The following DDX1 variants were observed in gnomAD, a reference collection of about 807,000 sequenced individuals.
The protein encoded by DDX1 is DEAD-box helicase 1.
A neutral mutation model predicts 108.7 loss-of-function variants in DDX1; 28 were observed. The ratio of observed to expected loss-of-function variants is 0.26; its 90% CI spans 0.19 to 0.35. DDX1 has a LOEUF of 0.35. Ranked by LOEUF, DDX1 falls within the 10% of genes least tolerant of loss-of-function variation. The pLI, the probability that DDX1 is intolerant of heterozygous loss-of-function variation, is 1.00. For synonymous variants in DDX1, 295 were observed against 288.9 expected, an observed-to-expected ratio of 1.02 and a Z score of -0.21; for missense variants, 710 against 884.5, an observed-to-expected ratio of 0.80 and a Z score of 2.50.
At position 15,610,028 on chromosome 2, in the gene DDX1, G is replaced by C. The variant is rs181714437; in HGVS notation, c.956+2715G>C. On this transcript the variant is annotated intron_variant, in intron 13 of 25. Transcript: ENST00000233084. ...TAGCTCACTGCAGTCTCAAACTCTA[G>C]GGCTCAAGCAATCCTCCCACCTAAG... 2.0e-5 allele frequency among the ~76,000 whole-genome samples: 3 copies of C among 152,228 alleles called. No individual in the cohort carries two copies. The East Asian group carries it at 5.8e-4, about 29-fold the overall frequency.
rs1180398079 is a variant in DDX1 at position 15,606,176 on chromosome 2, T to C, written c.729T>C (p.Gly243=). The change falls in exon 12 of 26, where the codon GGT becomes GGC. Residue 243 remains glycine (G), a synonymous_variant. Coordinates refer to ENST00000233084, the MANE Select transcript of DDX1 (RefSeq NM_004939.3). ...LKNAELKFNF[G]EEEFKFPPKD... ...ATGCTGAACTGAAATTTAACTTCGG[T>C]GAAGAGGAATTTAAGTTTCCACCAA... The C allele has an allele frequency of 6.2e-7, 1 of 1,613,974 alleles. No individual in the cohort carries two copies. Among genetic ancestry groups the C allele is most frequent in the Non-Finnish European group, 8.5e-7 (1 of 1,179,868 alleles).
chr2:15,602,731 C>T (rs531289682), intron 7 of DDX1, 100 bp downstream of exon 7: 9 of 905,434 alleles, frequency 9.9e-6, no homozygotes, highest in Middle Eastern at 2.3e-4. Flanking sequence ...GATGGAGTCT[C>T]GCACGTCGCC....
chr2:15,629,557 T>A (rs1666157917), intron 23 of DDX1, 45 bp from the exon 24 acceptor site: 3 of 1,335,968 alleles, frequency 2.2e-6, no homozygotes, highest in South Asian at 2.7e-5. Flanking sequence ...ATTTAGCATG[T>A]CTCTATCTCC....
intron 19 of DDX1, 27 bp from the exon 20 acceptor site, chr2:15,627,027 T>C: frequency 6.7e-7 from 1 of 1,498,716 alleles, no homozygotes; most frequent in African/African-American, 1.4e-5. Context: ...TTTTCCAAGG[T>C]TAAATGCTTA....
chr2:15,597,507 A>G (rs772344881), intron 5 of DDX1, 36 bp downstream of exon 5: 57 of 1,348,724 alleles, frequency 4.2e-5, no homozygotes, highest in Non-Finnish European at 5.8e-5. Flanking sequence ...TTTTATATAA[A>G]TCATTGGTTC....
chr2:15,609,836 C>T (rs1665724671), intron 13 of DDX1, among the ~76,000 whole-genome samples: 1 of 152,146 alleles, frequency 6.6e-6, no homozygotes, highest in Non-Finnish European at 1.5e-5. Context: ...GGTTCCCTCC[C>T]CTGGATATAC....
intron 5 of DDX1, 63 bp downstream of exon 5, chr2:15,597,534 G>A: frequency 9.0e-7 from 1 of 1,105,520 alleles, no homozygotes; most frequent in Non-Finnish European, 1.3e-6. Context: ...CTGACAGTTA[G>A]GAAAGTGAGA....
chr2:15,603,571 C>T (rs1229960839), intron 8 of DDX1, among the ~76,000 whole-genome samples: 1 of 152,188 alleles, frequency 6.6e-6, no homozygotes, highest in Non-Finnish European at 1.5e-5. Flanking sequence ...TTATTGTAAA[C>T]TTGCATCTGA....
At chr2:15,619,872 T>C (rs1213484086) in intron 16 of DDX1, among the ~76,000 whole-genome samples, 1 of 152,236 alleles carries the variant, frequency 6.6e-6, no homozygotes, top group Non-Finnish European at 1.5e-5. Context: ...AGTTATATCC[T>C]TCTTTCTTAG....
intron 2 of DDX1, 82 bp from the exon 3 acceptor site, chr2:15,595,408 T>G: frequency 8.3e-7 from 1 of 1,199,450 alleles, no homozygotes; most frequent in Non-Finnish European, 1.2e-6. Context: ...AAAATTTTCT[T>G]TTAGGCAAAT....
Position 15,595,550 on chromosome 2 carries a change from TA to T in DDX1, c.130del (p.Met44TrpfsTer20). ...TGATCTTAGGAGGAGGTGATGTACT[TA>T]TGGTAAGTTTAAATTTGGTGAGGTG... Reference protein sequence around the residue: ...PLILGGGDVLMAAETGSGKTG... With the variant: ...PLILGGGDVLXAAETGSGKTG... On this transcript the variant is annotated frameshift_variant and splice_region_variant, in exon 3 of 26. Coordinates refer to ENST00000233084, the MANE Select transcript of DDX1 (RefSeq NM_004939.3). LOFTEE classifies it high-confidence loss of function. 1 of 1,605,584 alleles carries T rather than the reference TA, an allele frequency of 6.2e-7. No homozygotes were observed. The highest frequency in any genetic ancestry group is 8.5e-7 in the Non-Finnish European group (1 of 1,172,228).
intron 20 of DDX1, 21 bp downstream of exon 20, chr2:15,627,166 G>A: frequency 7.1e-7 from 1 of 1,403,732 alleles, no homozygotes; most frequent in Non-Finnish European, 1.0e-6. Context: ...ATAGTTGATT[G>A]TTTCCTTAAT....
intron 14 of DDX1, among the ~76,000 whole-genome samples, 175 bp downstream of exon 14, chr2:15,613,459 A>C (rs184708058): frequency 6.6e-5 from 10 of 152,298 alleles, no homozygotes; most frequent in Non-Finnish European, 1.2e-4. Context: ...GAAGTATACA[A>C]AGTCTCTCCC....
intron 13 of DDX1, among the ~76,000 whole-genome samples, chr2:15,607,830 C>T (rs1246942033): frequency 6.6e-6 from 1 of 152,210 alleles, no homozygotes; most frequent in East Asian, 1.9e-4. Flanking sequence ...GCTGGAATTA[C>T]AGGCATGAGC....
At chr2:15,629,486 T>G (rs936215568) in intron 23 of DDX1, 116 bp from the exon 24 acceptor site, 2 of 677,648 alleles carry the variant, frequency 3.0e-6, no homozygotes, top group Admixed American at 3.5e-5. Context: ...ATCATACCTA[T>G]AATCTATTTT....
intron 5 of DDX1, among the ~76,000 whole-genome samples, chr2:15,599,460 C>T (rs916045990): frequency 6.6e-6 from 1 of 151,698 alleles, no homozygotes. Context: ...TCACACGCCA[C>T]CATGCCTGGC....
rs1558450549 is a variant in DDX1, at chr2:15,597,412, C to T, written c.200C>T (p.Thr67Ile). The change falls in exon 5 of 26, where the codon ACT becomes ATT. Residue 67 changes from threonine (T) to isoleucine (I), a missense_variant. Physicochemically the swap from Thr to Ile is moderately conservative, Grantham distance 89 (BLOSUM62 -1). Coordinates refer to ENST00000233084, the MANE Select transcript of DDX1 (RefSeq NM_004939.3). ...SIPVIQIVYE[T>I]LKDQQEGKKG... ...CCAGTTATCCAGATAGTTTATGAAA[C>T]TCTGAAAGACCAACAGGAAGGCAAA... 1 of 1,608,440 alleles carries T rather than the reference C, an allele frequency of 6.2e-7. No homozygotes were observed. Among genetic ancestry groups the T allele is most frequent in the Non-Finnish European group, 8.5e-7 (1 of 1,178,058 alleles).
intron 19 of DDX1, among the ~76,000 whole-genome samples, chr2:15,626,667 A>G (rs1425218623): frequency 6.6e-6 from 1 of 152,136 alleles, no homozygotes; most frequent in African/African-American, 2.4e-5. Flanking sequence ...TAGGAAGCAC[A>G]TTAACTTGAT....
In DDX1 at chr2:15,617,333, G is replaced by A; in HGVS notation, c.1107G>A (p.Leu369=). Residue 369 remains leucine (L), a synonymous_variant, in exon 15 of 26, where the codon CTG becomes CTA. Transcript: ENST00000233084. ...LNLSQVRFLV[L]DEADGLLSQG... ...TATCTCAAGTTAGATTCCTGGTCCT[G>A]GATGAAGCTGTATGTTGAAATATAA... is the stretch of plus-strand genomic sequence containing the variant. 1 of 1,581,830 alleles carries A rather than the reference G, an allele frequency of 6.3e-7. No homozygotes were observed. The highest frequency in any genetic ancestry group is 8.6e-7 in the Non-Finnish European group (1 of 1,158,998).
Sources: gnomAD v4.1 joint callset for allele counts (sites outside exome capture counted in the v4.1 genomes callset) on GRCh38, gnomAD v4.1.1 for gene constraint, MANE v1.5 for transcripts, NCBI Gene and HGNC (gene_info 2026-07-23, HGNC 2026-07-21) for gene names.